Variants in SGF29 observed in about 807,000 individuals in gnomAD.
The protein encoded by SGF29 is SAGA complex associated factor 29.
In SGF29, 15 loss-of-function variants were observed where a neutral mutation model predicts 38.1. That is an observed-to-expected ratio of 0.39 (90% CI 0.26 to 0.61). The LOEUF is 0.61. Ranked by LOEUF, SGF29 falls within the 20% of genes least tolerant of loss-of-function variation. The probability of loss-of-function intolerance (pLI) is 0.49; values close to 1 mark genes in which losing one functional copy is unlikely to be tolerated. For missense variants in SGF29, 184 were observed against 394.6 expected (o/e 0.47, Z 4.52); for synonymous variants, 151 against 160.8 (o/e 0.94, Z 0.46).
intron 1 of SGF29, among the ~76,000 whole-genome samples, chr16:28,557,999 G>A (rs942589110): frequency 4.1e-4 from 56 of 137,652 alleles, no homozygotes; most frequent in African/African-American, 1.4e-3. Context: ...TTTCAGAGAC[G>A]GGGTCTTGCT....
chr16:28,556,042 T>C (rs183935294), intron 1 of SGF29, among the ~76,000 whole-genome samples: 96 of 152,330 alleles, frequency 6.3e-4, no homozygotes, highest in African/African-American at 2.1e-3. Flanking sequence ...TATTCTGTTA[T>C]CTATTTTATA....
At position 28,564,569 on chromosome 16, in the gene SGF29, A is replaced by G. The variant is rs1202507539; in HGVS notation, c.-16+10472A>G. 1.5e-3 allele frequency among the ~76,000 whole-genome samples: 198 copies of G among 133,182 alleles called. 3 individuals carry two copies. Among genetic ancestry groups the G allele is most frequent in the East Asian group, 7.3e-3 (34 of 4,688 alleles). The allele number at this position is 133,182 out of a possible 152,430, so 87.4% of individuals were successfully genotyped here. ...TATATACGTATATATATATATACGT[A>G]TATATATACACGTATATATATACAC... On this transcript the variant is annotated intron_variant, in intron 1 of 9. Coordinates refer to ENST00000317058, the MANE Select transcript of SGF29 (RefSeq NM_138414.3).
At chr16:28,581,377 A>T (rs190107786) in intron 2 of SGF29, among the ~76,000 whole-genome samples, 311 of 152,312 alleles carry the variant, frequency 2.0e-3, no homozygotes, top group Non-Finnish European at 3.4e-3. Context: ...TAGAATTCAC[A>T]TGCCATACAA....
chr16:28,569,717 G>C (rs62034355), intron 1 of SGF29, among the ~76,000 whole-genome samples: 40,266 of 152,156 alleles, frequency 0.26, 7,080 homozygotes, highest in Non-Finnish European at 0.37. Context: ...GCCATCCTTT[G>C]ATAAGGAGAC....
At chr16:28,587,831 G>C (rs766104181) in intron 4 of SGF29, among the ~76,000 whole-genome samples, 1 of 151,974 alleles carries the variant, frequency 6.6e-6, no homozygotes, top group Non-Finnish European at 1.5e-5. Flanking sequence ...ATGGAGTTTC[G>C]CTCTGTCACC....
intron 1 of SGF29, among the ~76,000 whole-genome samples, chr16:28,567,747 G>A (rs745796097): frequency 3.3e-5 from 5 of 152,164 alleles, no homozygotes; most frequent in Non-Finnish European, 7.3e-5. Context: ...ATTCTGATGA[G>A]ATCTCAGATG....
At chr16:28,568,229 C>A (rs2046845018) in intron 1 of SGF29, among the ~76,000 whole-genome samples, 1 of 141,046 alleles carries the variant, frequency 7.1e-6, no homozygotes, top group African/African-American at 2.6e-5. Context: ...AGGAGAATTG[C>A]TTGAATCCGG....
rs759455386 is a variant in SGF29 at position 28,590,869 on chromosome 16, C to T, written c.699C>T (p.Leu233=). The change falls in exon 9 of 10, where the codon CTC becomes CTT. Residue 233 remains leucine, a synonymous_variant. Coordinates refer to ENST00000317058, the MANE Select transcript of SGF29 (RefSeq NM_138414.3). This position sits in a 1 kb window ranked among gnomAD's most constrained non-coding sequence, Gnocchi z 8.2. The part of the protein sequence containing the change: ...DPEALFQKEQ[L]VLALYPQTTC... The stretch of plus-strand genomic sequence containing the variant: ...AGGCCTTGTTCCAGAAGGAGCAGCT[C>T]GTGCTGGCCCTGTATCCCCAGACTA... The T allele has an allele frequency of 5.6e-6, 9 of 1,613,834 alleles. No individual in the cohort carries two copies. Among genetic ancestry groups the T allele is most frequent in the South Asian group, 2.2e-5 (2 of 91,042 alleles).
At chr16:28,571,864 G>A (rs2046866971) in intron 1 of SGF29, among the ~76,000 whole-genome samples, 1 of 152,214 alleles carries the variant, frequency 6.6e-6, no homozygotes, top group African/African-American at 2.4e-5. Context: ...ACTAATGAGT[G>A]GTGATTGATT....
chr16:28,554,529 G>C (rs959418866), intron 1 of SGF29, among the ~76,000 whole-genome samples: 11 of 152,132 alleles, frequency 7.2e-5, no homozygotes, highest in Non-Finnish European at 1.6e-4. Flanking sequence ...CTAACAGCTC[G>C]TCGTTTGCCC....
At chr16:28,587,244 G>A (rs2046960582) in intron 4 of SGF29, among the ~76,000 whole-genome samples, 1 of 152,200 alleles carries the variant, frequency 6.6e-6, no homozygotes, top group Non-Finnish European at 1.5e-5. Flanking sequence ...TTTATGATTT[G>A]TGCGTGAAAC....
chr16:28,590,397 A>C lies in SGF29; in HGVS notation c.521A>C (p.Gln174Pro). The C allele has an allele frequency of 6.2e-7, 1 of 1,613,918 alleles. No individual in the cohort carries two copies. The highest frequency in any genetic ancestry group is 8.5e-7 in the Non-Finnish European group (1 of 1,179,844). ...ARVKAVDGDE[Q>P]WILAEVVSYS... Reference sequence around the variant, plus strand: ...GTGAAGGCCGTGGATGGGGACGAGCAGTGGATCCTGGCCGAGGTGGTCAGT... The same window carrying C: ...GTGAAGGCCGTGGATGGGGACGAGCCGTGGATCCTGGCCGAGGTGGTCAGT... Residue 174 changes from glutamine (Q) to proline (P), a missense_variant, in exon 7 of 10, where the codon CAG (glutamine) becomes CCG (proline). Gln to Pro is a moderately conservative substitution (Grantham distance 76). Coordinates refer to ENST00000317058, the MANE Select transcript of SGF29 (RefSeq NM_138414.3). The surrounding 1 kb of genome is among the most constrained non-coding windows in gnomAD (Gnocchi z 8.2).
intron 3 of SGF29, 104 bp downstream of exon 3, chr16:28,585,092 G>C: frequency 1.2e-6 from 1 of 856,314 alleles, no homozygotes. Context: ...AGATTTGCAT[G>C]TATCTGCATA....
At chr16:28,568,654 C>T (rs1214421439) in intron 1 of SGF29, among the ~76,000 whole-genome samples, 1 of 152,096 alleles carries the variant, frequency 6.6e-6, no homozygotes, top group Non-Finnish European at 1.5e-5. Context: ...GTGGCTCACG[C>T]CTGTAATGCC....
chr16:28,577,199 A>G (rs890474957), intron 1 of SGF29, among the ~76,000 whole-genome samples: 3 of 152,134 alleles, frequency 2.0e-5, no homozygotes, highest in Non-Finnish European at 2.9e-5. Context: ...TGCAGACTAC[A>G]TAAATCTAAA....
At position 28,554,687 on chromosome 16, in the gene SGF29, G is replaced by A. The variant is rs574430979; in HGVS notation, c.-16+590G>A. ...CTCCAGTTACCTCCTCCTCGGCTCC[G>A]GTTTGCAGCCAAAGGCCTTAGTCTA... On this transcript the variant is annotated intron_variant, in intron 1 of 9. Transcript: ENST00000317058. Among the ~76,000 whole-genome samples the A allele has an allele frequency of 7.2e-5, 11 of 152,122 alleles. No individual in the cohort carries two copies. The East Asian group carries it at 1.7e-3, about 24-fold the overall frequency.
In SGF29 at chr16:28,585,730, G is replaced by A. The variant is rs769480995; in HGVS notation, c.224+10G>A. ...CAGAGGCTGAGTGCAAGTGAGTACCGTGCACCCACTTCATCGCCGCTCCCT... is the reference window on the plus strand; with the variant it reads ...CAGAGGCTGAGTGCAAGTGAGTACCATGCACCCACTTCATCGCCGCTCCCT... On this transcript the variant is annotated intron_variant, in intron 4 of 9. Transcript: ENST00000317058. 1.4e-5 allele frequency: 22 copies of A among 1,612,388 alleles called. No homozygotes were observed. The highest frequency in any genetic ancestry group is 1.7e-5 in the Non-Finnish European group (20 of 1,178,454).
chr16:28,582,049 C>T (rs2046929138), intron 2 of SGF29, among the ~76,000 whole-genome samples: 2 of 152,152 alleles, frequency 1.3e-5, no homozygotes. Flanking sequence ...CCACGATACT[C>T]AGGGTTTATA....
chr16:28,571,116 G>T (rs1201944259), intron 1 of SGF29, among the ~76,000 whole-genome samples: 1 of 152,126 alleles, frequency 6.6e-6, no homozygotes. Flanking sequence ...TGATTAGGCT[G>T]TGAGGATTCC....
Sources: allele counts gnomAD v4.1 joint callset (sites outside exome capture counted in the v4.1 genomes callset), GRCh38; gene constraint gnomAD v4.1.1; non-coding constraint Gnocchi (gnomAD v3.1); transcripts MANE v1.5; gene names NCBI Gene and HGNC (gene_info 2026-07-23, HGNC 2026-07-21).